The following GRID2 variants were observed in gnomAD, a reference collection of about 807,000 sequenced individuals.
The protein encoded by GRID2 is glutamate ionotropic receptor delta type subunit 2, also known as glutamate receptor ionotropic, delta-2.
A neutral mutation model predicts 114.8 loss-of-function variants in GRID2; 33 were observed. The ratio of observed to expected loss-of-function variants is 0.29; its 90% CI spans 0.22 to 0.38. The LOEUF (loss-of-function observed/expected upper bound fraction) is 0.38. GRID2 is among the 10% of genes least tolerant of loss of function. The probability of loss-of-function intolerance (pLI) is 1.00; values close to 1 mark genes in which losing one functional copy is unlikely to be tolerated. For synonymous variants in GRID2, 505 were observed against 449.9 expected, an observed-to-expected ratio of 1.12 and a Z score of -1.55; for missense variants, 1,184 against 1,257.7, an observed-to-expected ratio of 0.94 and a Z score of 0.89.
At chr4:92,912,784 G>A (rs1055559176) in intron 2 of GRID2, among the ~76,000 whole-genome samples, 16 of 151,898 alleles carry the variant, frequency 1.1e-4, no homozygotes, top group African/African-American at 3.6e-4. Flanking sequence ...ATTTCTTAAA[G>A]TTTGAGACTT....
Position 92,733,054 on chromosome 4 carries a change from G to C in GRID2, c.244+142768G>C, listed in dbSNP as rs974882789. On this transcript the variant is annotated intron_variant, in intron 2 of 15. Coordinates refer to ENST00000282020, the MANE Select transcript of GRID2 (RefSeq NM_001510.4). The stretch of plus-strand genomic sequence containing the variant: ...ACTTGAAAGATTTGCTTTTAAATCA[G>C]GAAACCCACACTCTGCTCCCTCTTC... Among the ~76,000 whole-genome samples the C allele has an allele frequency of 1.2e-4, 18 of 152,010 alleles. No homozygotes were observed. In the East Asian group the frequency reaches 3.5e-3, roughly 29 times the overall value.
At chr4:92,673,385 T>C (rs1733171239) in intron 2 of GRID2, among the ~76,000 whole-genome samples, 1 of 152,198 alleles carries the variant, frequency 6.6e-6, no homozygotes, top group African/African-American at 2.4e-5. Context: ...ATACATTGTG[T>C]GTTTTAAATA....
At chr4:92,714,541 G>A (rs1271858243) in intron 2 of GRID2, among the ~76,000 whole-genome samples, 4 of 152,196 alleles carry the variant, frequency 2.6e-5, no homozygotes, top group Non-Finnish European at 5.9e-5. Flanking sequence ...CCTAGTAGAG[G>A]TTCTCTATGA....
chr4:92,663,472 A>G (rs1335560309), intron 2 of GRID2, among the ~76,000 whole-genome samples: 1 of 151,244 alleles, frequency 6.6e-6, no homozygotes, highest in Non-Finnish European at 1.5e-5. Context: ...AGGAATATGC[A>G]TATACTATAA....
At chr4:93,701,617 T>C (rs2110140333) in intron 14 of GRID2, among the ~76,000 whole-genome samples, 1 of 152,226 alleles carries the variant, frequency 6.6e-6, no homozygotes, top group South Asian at 2.1e-4. Flanking sequence ...AACAGACCAT[T>C]TTGATAAGTT....
chr4:92,912,249 A>C (rs1216251705), intron 2 of GRID2, among the ~76,000 whole-genome samples: 1 of 151,892 alleles, frequency 6.6e-6, no homozygotes, highest in African/African-American at 2.4e-5. Context: ...AGAGAAGGGT[A>C]TACTACACAT....
chr4:93,791,350 A>G (rs987281176), intron 1 of GRID2, among the ~76,000 whole-genome samples: 9 of 152,216 alleles, frequency 5.9e-5, no homozygotes, highest in African/African-American at 1.9e-4. Flanking sequence ...TTGATCTTAA[A>G]TATGTCTAGA....
At position 92,859,043 on chromosome 4, in the gene GRID2, G is replaced by A. The variant is rs960146723; in HGVS notation, c.245-225952G>A. ...ACTCCAATTTTGAAAATCCTACTAC[G>A]GGTAAAATGATATCAAACAGCATCA... On this transcript the variant is annotated intron_variant, in intron 2 of 15. Transcript: ENST00000282020. Among the ~76,000 whole-genome samples the A allele has an allele frequency of 7.3e-4, 111 of 152,004 alleles. 1 individual carries two copies. The highest frequency in any genetic ancestry group is 7.9e-4 in the Admixed American group (12 of 15,246).
intron 2 of GRID2, among the ~76,000 whole-genome samples, chr4:92,897,387 G>C (rs981019150): frequency 6.6e-6 from 1 of 152,088 alleles, no homozygotes; most frequent in African/African-American, 2.4e-5. Flanking sequence ...ATACAAAACA[G>C]TGTACTTTTA....
intron 8 of GRID2, among the ~76,000 whole-genome samples, chr4:93,325,135 T>C (rs1289647066): frequency 2.0e-5 from 3 of 152,160 alleles, no homozygotes; most frequent in African/African-American, 4.8e-5. Flanking sequence ...TGTTAGGGTG[T>C]CAATTTTAGT....
intron 2 of GRID2, among the ~76,000 whole-genome samples, chr4:92,993,910 T>G (rs753304312): frequency 2.6e-5 from 4 of 152,210 alleles, no homozygotes; most frequent in African/African-American, 4.8e-5. Context: ...GTTCCCAGGA[T>G]TGTTTCAGTA....
intron 8 of GRID2, among the ~76,000 whole-genome samples, chr4:93,251,462 T>C (rs1306978669): frequency 6.6e-6 from 1 of 152,190 alleles, no homozygotes; most frequent in African/African-American, 2.4e-5. Flanking sequence ...CAAAACTGTA[T>C]CATGTTGAAT....
intron 13 of GRID2, among the ~76,000 whole-genome samples, chr4:93,548,051 C>T (rs1431431953): frequency 6.6e-6 from 1 of 151,884 alleles, no homozygotes; most frequent in Non-Finnish European, 1.5e-5. Context: ...GTGGTGCGCA[C>T]CTGTAATCCC....
At chr4:93,777,758 T>A (rs367899118), downstream of GRID2, among the ~76,000 whole-genome samples, 1 of 152,212 alleles carries the variant, frequency 6.6e-6, no homozygotes, top group Non-Finnish European at 1.5e-5. Context: ...AAACAAAGAA[T>A]GATACAGTGT....
intron 1 of GRID2, among the ~76,000 whole-genome samples, chr4:92,430,802 T>A (rs1157567753): frequency 6.6e-6 from 1 of 152,108 alleles, no homozygotes; most frequent in African/African-American, 2.4e-5. Context: ...ACAGTTTTCC[T>A]TGTACAGATC....
chr4:92,328,272 T>C (rs1475757329), intron 1 of GRID2, among the ~76,000 whole-genome samples: 1 of 152,000 alleles, frequency 6.6e-6, no homozygotes, highest in Non-Finnish European at 1.5e-5. Context: ...AGGGGAAAGG[T>C]GCAAGAGAGT....
chr4:92,763,962 A>G (rs1001763535), intron 2 of GRID2, among the ~76,000 whole-genome samples: 1 of 152,200 alleles, frequency 6.6e-6, no homozygotes, highest in Non-Finnish European at 1.5e-5. Flanking sequence ...TAACTGCTAA[A>G]GAAAAATTTA....
intron 2 of GRID2, among the ~76,000 whole-genome samples, chr4:92,862,338 T>C (rs1271458989): frequency 1.3e-5 from 2 of 152,104 alleles, no homozygotes; most frequent in Non-Finnish European, 2.9e-5. Context: ...AAGGGTTTAC[T>C]ATAACGTGAA....
chr4:93,148,809 T>C (rs888466854), intron 4 of GRID2, among the ~76,000 whole-genome samples: 1 of 152,154 alleles, frequency 6.6e-6, no homozygotes, highest in African/African-American at 2.4e-5. Flanking sequence ...CTAGGGCATA[T>C]CCTAATTGTG....
Sources: allele counts gnomAD v4.1 joint callset (sites outside exome capture counted in the v4.1 genomes callset), GRCh38; gene constraint gnomAD v4.1.1; transcripts MANE v1.5; gene names NCBI Gene and HGNC (gene_info 2026-07-23, HGNC 2026-07-21).